The following ANKFN1 variants were observed in gnomAD, a reference collection of about 807,000 sequenced individuals.
ANKFN1 encodes ankyrin repeat and fibronectin type III domain containing 1, also known as ankyrin repeat and fibronectin type-III domain-containing protein 1.
A neutral mutation model predicts 108.7 loss-of-function variants in ANKFN1; 74 were observed. The ratio of observed to expected loss-of-function variants is 0.68; its 90% confidence interval spans 0.56 to 0.83. The LOEUF is 0.83. ANKFN1 is among the 40% of genes least tolerant of loss of function. The pLI, the probability that ANKFN1 is intolerant of heterozygous loss-of-function variation, is 0.00. For missense variants in ANKFN1, 1,505 were observed against 1,382.3 expected (o/e 1.09, Z -1.41); for synonymous variants, 547 against 516.2 (o/e 1.06, Z -0.81).
At chr17:56,296,101 C>T (rs1033285510) in intron 3 of ANKFN1, among the ~76,000 whole-genome samples, 1 of 151,654 alleles carries the variant, frequency 6.6e-6, no homozygotes, top group Admixed American at 6.6e-5. Context: ...AAGGTAGTAG[C>T]TTCTATTATT....
At chr17:56,377,106 G>A (rs1431466864) in intron 8 of ANKFN1, among the ~76,000 whole-genome samples, 1 of 152,148 alleles carries the variant, frequency 6.6e-6, no homozygotes, top group Non-Finnish European at 1.5e-5. Flanking sequence ...AGCATTTAGG[G>A]TTTGGCAAAA....
chr17:56,390,010 G>A (rs923453481), intron 8 of ANKFN1, among the ~76,000 whole-genome samples: 4 of 151,920 alleles, frequency 2.6e-5, no homozygotes, highest in Non-Finnish European at 4.4e-5. Flanking sequence ...CTTCAGAGAA[G>A]CATTTTCTTT....
At chr17:56,132,802 G>T (rs1907362125) in intron 4 of ANKFN1, among the ~76,000 whole-genome samples, 1 of 151,980 alleles carries the variant, frequency 6.6e-6, no homozygotes. Flanking sequence ...TAGTTCTCTG[G>T]GGTCTTTTTC....
At chr17:56,333,916 G>T (rs1395131018) in intron 4 of ANKFN1, among the ~76,000 whole-genome samples, 1 of 152,060 alleles carries the variant, frequency 6.6e-6, no homozygotes, top group Non-Finnish European at 1.5e-5. Context: ...GTAGAGACCA[G>T]CCCACCTTTG....
At chr17:56,339,794 G>T (rs964666268) in intron 4 of ANKFN1, among the ~76,000 whole-genome samples, 1 of 151,770 alleles carries the variant, frequency 6.6e-6, no homozygotes, top group South Asian at 2.1e-4. Context: ...TAATACAATG[G>T]TTTATATTCC....
At chr17:56,484,055 C>A (rs569639300) in intron 18 of ANKFN1, among the ~76,000 whole-genome samples, 1 of 152,194 alleles carries the variant, frequency 6.6e-6, no homozygotes, top group African/African-American at 2.4e-5. Flanking sequence ...TGTTGAAGAA[C>A]AAACAGGATG....
rs1260249944 is a variant in ANKFN1 at position 56,493,025 on chromosome 17, A to C, written c.2427+672A>C. ...TGTCCATCAGTTACTCAATTCACAA[A>C]ATGAGTAGAATAGCAATAGCCCCAT... On this transcript the variant is annotated intron_variant, in intron 19 of 20. Transcript: ENST00000682825. 2.6e-5 allele frequency among the ~76,000 whole-genome samples: 4 copies of C among 152,154 alleles called. No homozygotes were observed. The East Asian group carries it at 5.8e-4, about 22-fold the overall frequency.
intron 4 of ANKFN1, among the ~76,000 whole-genome samples, chr17:56,046,775 T>C (rs1385672508): frequency 6.6e-6 from 1 of 152,188 alleles, no homozygotes; most frequent in Non-Finnish European, 1.5e-5. Context: ...TCTCTGGTTC[T>C]CAGCTGGAGT....
intron 3 of ANKFN1, among the ~76,000 whole-genome samples, chr17:56,296,189 C>T (rs147532370): frequency 3.9e-4 from 59 of 151,854 alleles, no homozygotes; most frequent in African/African-American, 9.9e-4. Context: ...GATCTGAGTA[C>T]GGAGGTGAGG....
intron 18 of ANKFN1, among the ~76,000 whole-genome samples, chr17:56,483,942 A>C (rs2050783996): frequency 6.6e-6 from 1 of 152,198 alleles, no homozygotes; most frequent in Non-Finnish European, 1.5e-5. Flanking sequence ...ACAAGGTAGA[A>C]TATGCCAGAA....
rs78206784 is a variant in ANKFN1 at position 56,462,916 on chromosome 17, C to T, written c.1558-3440C>T. 9.4e-4 allele frequency among the ~76,000 whole-genome samples: 143 copies of T among 152,284 alleles called. 1 individual carries two copies. Among genetic ancestry groups the T allele is most frequent in the African/African-American group, 3.1e-3 (128 of 41,564 alleles). ...CAGCTGTGGCTCAGACATTTTATCA[C>T]GGCTCACAAAGGCCTCAATCATGAT... On this transcript the variant is annotated intron_variant, in intron 14 of 20. Transcript: ENST00000682825.
At chr17:56,115,266 C>A (rs1246534131) in intron 4 of ANKFN1, among the ~76,000 whole-genome samples, 2 of 152,130 alleles carry the variant, frequency 1.3e-5, no homozygotes, top group African/African-American at 4.8e-5. Context: ...GGTGACATTG[C>A]TTGTATTGAT....
chr17:56,416,758 A>T (rs1017012404), intron 8 of ANKFN1, among the ~76,000 whole-genome samples: 1 of 152,240 alleles, frequency 6.6e-6, no homozygotes, highest in Non-Finnish European at 1.5e-5. Context: ...GTGCACTCCC[A>T]TGCTTGTTGC....
At chr17:56,276,451 A>G (rs986602452) in intron 3 of ANKFN1, among the ~76,000 whole-genome samples, 2 of 152,110 alleles carry the variant, frequency 1.3e-5, no homozygotes, top group Non-Finnish European at 2.9e-5. Context: ...TGGTTGAACT[A>G]ATTTACACTC....
chr17:56,162,807 G>A (rs1003813796), intron 1 of ANKFN1, among the ~76,000 whole-genome samples: 8 of 152,118 alleles, frequency 5.3e-5, no homozygotes, highest in East Asian at 1.9e-4. Flanking sequence ...AGACTGAGGC[G>A]GGTGGATCAC....
intron 18 of ANKFN1, among the ~76,000 whole-genome samples, chr17:56,487,016 A>G (rs1367361200): frequency 6.6e-6 from 1 of 152,164 alleles, no homozygotes; most frequent in Non-Finnish European, 1.5e-5. Flanking sequence ...GCAAAGACAA[A>G]ATGATAAAGG....
At chr17:56,244,490 G>C (rs753775593) in intron 3 of ANKFN1, among the ~76,000 whole-genome samples, 6 of 152,158 alleles carry the variant, frequency 3.9e-5, no homozygotes, top group South Asian at 2.1e-4. Flanking sequence ...AGCCAAAGGA[G>C]AGAATGAAAT....
intron 4 of ANKFN1, among the ~76,000 whole-genome samples, chr17:56,059,493 A>G (rs947210999): frequency 1.3e-5 from 2 of 152,114 alleles, no homozygotes; most frequent in South Asian, 4.1e-4. Context: ...GTTTTTTGTC[A>G]TGAAGTCTTT....
intron 15 of ANKFN1, chr17:56,472,340 T>C (rs181781507): frequency 6.6e-6 from 1 of 152,348 alleles, no homozygotes; most frequent in East Asian, 1.9e-4. Context: ...TCTACCATCA[T>C]GGATGGTTGA....
Sources: gnomAD v4.1 joint callset for allele counts (sites outside exome capture counted in the v4.1 genomes callset) on GRCh38, gnomAD v4.1.1 for gene constraint, MANE v1.5 for transcripts, NCBI Gene and HGNC (gene_info 2026-07-23, HGNC 2026-07-21) for gene names.